The following RBMS1 variants were observed in gnomAD, a reference collection of about 807,000 sequenced individuals.
RBMS1 encodes RNA-binding motif, single-stranded-interacting protein 1.
A neutral mutation model predicts 62.3 loss-of-function variants in RBMS1; 17 were observed. The observed-to-expected ratio is 0.27, with a 90% CI of 0.19 to 0.41. The LOEUF is 0.41. RBMS1 is among the 10% of genes least tolerant of loss of function. The probability of loss-of-function intolerance (pLI) is 1.00; values close to 1 mark genes in which losing one functional copy is unlikely to be tolerated. For missense variants in RBMS1, 334 were observed against 504.5 expected (o/e 0.66, Z 3.24); for synonymous variants, 172 against 170.0 (o/e 1.01, Z -0.09).
intron 6 of RBMS1, among the ~76,000 whole-genome samples, chr2:160,288,329 C>G (rs1236247969): frequency 6.6e-6 from 1 of 152,206 alleles, no homozygotes; most frequent in Non-Finnish European, 1.5e-5. Flanking sequence ...TCCTGTGCCT[C>G]TTATTATCCT....
intron 1 of RBMS1, among the ~76,000 whole-genome samples, chr2:160,415,480 T>C (rs1696176555): frequency 6.6e-6 from 1 of 151,478 alleles, no homozygotes; most frequent in African/African-American, 2.4e-5. Flanking sequence ...AGAAAGTACT[T>C]AGGAAATTTA....
intron 1 of RBMS1, among the ~76,000 whole-genome samples, chr2:160,451,132 G>A (rs1683966202): frequency 6.7e-6 from 1 of 150,316 alleles, no homozygotes; most frequent in Non-Finnish European, 1.5e-5. Context: ...ATTCCAGCCT[G>A]GGTGACAGAG....
Position 160,493,750 on chromosome 2 carries a change from G to T in RBMS1, c.-387C>A. ...AGCCGGCTGCGCGGGGCTGAGAGGT[G>T]ATCAATACAAGTGGAAAGTGCGGCA... On this transcript the variant is annotated 5_prime_UTR_variant, in exon 1 of 14. Transcript: ENST00000348849. The T allele has an allele frequency of 3.7e-6, 1 of 269,620 alleles. No homozygotes were observed. The highest frequency in any genetic ancestry group is 7.1e-6 in the Non-Finnish European group (1 of 141,312). The allele number at this position is 269,620 out of a possible 1,614,324, so 16.7% of individuals were successfully genotyped here.
chr2:160,473,042 T>C (rs1196475963), intron 1 of RBMS1, among the ~76,000 whole-genome samples: 1 of 152,234 alleles, frequency 6.6e-6, no homozygotes, highest in African/African-American at 2.4e-5. Context: ...TTGTAAACAT[T>C]GTATAAGGTC....
intron 2 of RBMS1, among the ~76,000 whole-genome samples, chr2:160,346,342 T>C (rs1164818988): frequency 6.6e-6 from 1 of 152,174 alleles, no homozygotes; most frequent in Non-Finnish European, 1.5e-5. Flanking sequence ...TGGTGCTGCA[T>C]GGGGCCCTGG....
intron 1 of RBMS1, among the ~76,000 whole-genome samples, chr2:160,490,673 A>C (rs1250872217): frequency 6.6e-6 from 1 of 152,200 alleles, no homozygotes; most frequent in Non-Finnish European, 1.5e-5. Flanking sequence ...TTTGGCATAT[A>C]TAACTTTTAA....
intron 3 of RBMS1, among the ~76,000 whole-genome samples, chr2:160,314,695 T>C (rs1374572180): frequency 6.6e-6 from 1 of 152,192 alleles, no homozygotes; most frequent in African/African-American, 2.4e-5. Flanking sequence ...CTTCCTTATA[T>C]ATTACTTGGA....
intron 1 of RBMS1, among the ~76,000 whole-genome samples, chr2:160,438,581 G>A (rs1206072276): frequency 2.6e-5 from 4 of 152,188 alleles, no homozygotes; most frequent in Non-Finnish European, 5.9e-5. Context: ...TGGGGATAAG[G>A]TCACCAATCA....
chr2:160,367,752 AG>A (rs1693490219), intron 1 of RBMS1, among the ~76,000 whole-genome samples: 1 of 152,196 alleles, frequency 6.6e-6, no homozygotes. Flanking sequence ...ACTTTTGAAA[AG>A]GTTTTCAAAT....
intron 5 of RBMS1, among the ~76,000 whole-genome samples, 167 bp downstream of exon 5, chr2:160,303,163 A>G (rs1054168879): frequency 3.3e-5 from 5 of 152,216 alleles, no homozygotes; most frequent in Non-Finnish European, 7.3e-5. Flanking sequence ...GAACTTGCAA[A>G]AGATCTGGAA....
At chr2:160,397,095 C>G (rs907130750) in intron 1 of RBMS1, among the ~76,000 whole-genome samples, 2 of 152,108 alleles carry the variant, frequency 1.3e-5, no homozygotes, top group African/African-American at 4.8e-5. Flanking sequence ...GATGCTTTCC[C>G]TTACTTATTG....
chr2:160,282,271 C>T, intron 9 of RBMS1: 1 of 1,367,846 alleles, frequency 7.3e-7, no homozygotes, highest in Non-Finnish European at 9.8e-7. Flanking sequence ...ATAGCAGAGC[C>T]CCGATACTTG....
intron 12 of RBMS1, among the ~76,000 whole-genome samples, chr2:160,276,144 A>C (rs1292548963): frequency 1.3e-5 from 2 of 152,228 alleles, no homozygotes; most frequent in Non-Finnish European, 2.9e-5. Flanking sequence ...GAAGCAGCAC[A>C]GTTAAGTGGG....
chr2:160,433,853 T>G (rs994911515), intron 1 of RBMS1, among the ~76,000 whole-genome samples: 9 of 152,254 alleles, frequency 5.9e-5, no homozygotes, highest in African/African-American at 2.2e-4. Flanking sequence ...CAAAGCACTA[T>G]AATTTCAAAG....
intron 1 of RBMS1, among the ~76,000 whole-genome samples, chr2:160,397,271 T>G (rs1478188142): frequency 6.6e-6 from 1 of 152,040 alleles, no homozygotes; most frequent in Non-Finnish European, 1.5e-5. Flanking sequence ...AAATCCCATC[T>G]TTTTTATTTT....
At chr2:160,473,866 C>T (rs879827881) in intron 1 of RBMS1, among the ~76,000 whole-genome samples, 6 of 152,042 alleles carry the variant, frequency 3.9e-5, no homozygotes, top group Admixed American at 3.3e-4. Flanking sequence ...TTTAAAGGTC[C>T]TATAAATATT....
At chr2:160,282,422 G>T (rs1222535886) in intron 9 of RBMS1, 17 of 790,182 alleles carry the variant, frequency 2.2e-5, no homozygotes, top group Non-Finnish European at 3.4e-5. Context: ...AAATCCAATT[G>T]CATAAGCTTA....
chr2:160,402,857 A>G (rs1695509704), intron 1 of RBMS1, among the ~76,000 whole-genome samples: 1 of 152,232 alleles, frequency 6.6e-6, no homozygotes, highest in African/African-American at 2.4e-5. Flanking sequence ...TGAGGTTTAT[A>G]CATCCTTAAA....
At chr2:160,449,406 G>T (rs959249823) in intron 1 of RBMS1, among the ~76,000 whole-genome samples, 3 of 152,264 alleles carry the variant, frequency 2.0e-5, no homozygotes, top group Admixed American at 2.0e-4. Flanking sequence ...GTGGGGAAAA[G>T]AAAGAGAGAT....
Sources: gnomAD v4.1 joint callset for allele counts (sites outside exome capture counted in the v4.1 genomes callset) on GRCh38, gnomAD v4.1.1 for gene constraint, MANE v1.5 for transcripts, NCBI Gene and HGNC (gene_info 2026-07-23, HGNC 2026-07-21) for gene names.